The following IQCK variants were observed in gnomAD, a reference collection of about 807,000 sequenced individuals.
The protein encoded by IQCK is IQ motif containing K.
IQCK carries 29 observed loss-of-function variants against 28.1 expected under a neutral mutation model. The ratio of observed to expected loss-of-function variants is 1.03; its 90% CI spans 0.77 to 1.41. The LOEUF (loss-of-function observed/expected upper bound fraction) is 1.41. IQCK is among the 40% of genes most tolerant of loss of function. The pLI is 0.00. For synonymous variants in IQCK, 113 were observed against 115.1 expected (o/e 0.98, Z 0.12); for missense variants, 359 against 314.7 (o/e 1.14, Z -1.07).
chr16:19,729,359 G>A (rs1011100955), intron 1 of IQCK, among the ~76,000 whole-genome samples: 2 of 151,624 alleles, frequency 1.3e-5, no homozygotes, highest in Non-Finnish European at 2.9e-5. Context: ...ACCCTCCTCG[G>A]CCTCCCAAAA....
At chr16:19,844,290 G>A (rs1219712619) in intron 9 of IQCK, among the ~76,000 whole-genome samples, 2 of 152,204 alleles carry the variant, frequency 1.3e-5, no homozygotes, top group East Asian at 1.9e-4. Flanking sequence ...ATGTTGGCCC[G>A]GCGGTGTTGA....
At chr16:19,851,587 C>G (rs1236322626) in intron 9 of IQCK, among the ~76,000 whole-genome samples, 2 of 152,180 alleles carry the variant, frequency 1.3e-5, no homozygotes, top group African/African-American at 4.8e-5. Context: ...AGAAGATGTA[C>G]TGAGTCTTAT....
At chr16:19,852,619 CTTTTT>C (rs768835414) in intron 9 of IQCK, among the ~76,000 whole-genome samples, 1 of 135,290 alleles carries the variant, frequency 7.4e-6, no homozygotes. Flanking sequence ...TTTCCTTCAA[CTTTTT>C]TTTTTTTTTT....
At chr16:19,849,254 TG>T (rs1361494632) in intron 9 of IQCK, among the ~76,000 whole-genome samples, 1 of 143,534 alleles carries the variant, frequency 7.0e-6, no homozygotes, top group South Asian at 2.2e-4. Context: ...ATTACATCTA[TG>T]TTCAGGTTTT....
chr16:19,752,848 G>A lies in IQCK; in HGVS notation c.475-11000G>A, dbSNP rs142400603. ...CAAAGTGTTGCGATTACAGGTATGA[G>A]CCATCGTGCCCGGACCTTTTAAAAA... On this transcript the variant is annotated intron_variant, in intron 4 of 7. Coordinates refer to ENST00000564186, the Ensembl canonical transcript of IQCK. 2.5e-4 allele frequency among the ~76,000 whole-genome samples: 38 copies of A among 152,256 alleles called. No individual in the cohort carries two copies. In the East Asian group the frequency reaches 6.8e-3, roughly 27 times the overall value.
At chr16:19,740,901 G>T (rs1337192242) in intron 4 of IQCK, among the ~76,000 whole-genome samples, 1 of 151,426 alleles carries the variant, frequency 6.6e-6, no homozygotes, top group Non-Finnish European at 1.5e-5. Flanking sequence ...CCGAGAGGCA[G>T]AGGTTGCAGT....
chr16:19,759,720 A>G (rs901457336), intron 4 of IQCK, among the ~76,000 whole-genome samples: 15 of 152,166 alleles, frequency 9.9e-5, no homozygotes, highest in African/African-American at 3.6e-4. Flanking sequence ...GTTCATGTCT[A>G]TAATCCTAGC....
intron 6 of IQCK, among the ~76,000 whole-genome samples, chr16:19,775,790 G>A (rs1244178445): frequency 7.0e-6 from 1 of 143,648 alleles, no homozygotes. Flanking sequence ...CTTCAAGCCA[G>A]TTGCGGGGGA....
chr16:19,752,065 C>T lies in IQCK; in HGVS notation c.475-11783C>T, dbSNP rs770223766. 3.5e-4 allele frequency among the ~76,000 whole-genome samples: 53 copies of T among 152,200 alleles called. 1 individual carries two copies. Among genetic ancestry groups the T allele is most frequent in the Middle Eastern group, 3.4e-3 (1 of 294 alleles). On this transcript the variant is annotated intron_variant, in intron 4 of 7. Transcript: ENST00000564186. Reference sequence around the variant, plus strand: ...AGTACCATTCCTGCTCTACCGTGACCTGCATTGCATTCCACTGGAACAAAT... The same window carrying T: ...AGTACCATTCCTGCTCTACCGTGACTTGCATTGCATTCCACTGGAACAAAT...
At chr16:19,754,427 G>A (rs983820938) in intron 4 of IQCK, among the ~76,000 whole-genome samples, 3 of 152,126 alleles carry the variant, frequency 2.0e-5, no homozygotes, top group African/African-American at 4.8e-5. Flanking sequence ...CCATAAGACC[G>A]CCTCTTCTCC....
chr16:19,845,561 A>G (rs995181320), intron 9 of IQCK, among the ~76,000 whole-genome samples: 1 of 152,382 alleles, frequency 6.6e-6, no homozygotes, highest in South Asian at 2.1e-4. Flanking sequence ...AAACTGCAGC[A>G]CTAAAACTCC....
chr16:19,842,418 A>T (rs566030169), intron 9 of IQCK, among the ~76,000 whole-genome samples: 1 of 152,222 alleles, frequency 6.6e-6, no homozygotes. Flanking sequence ...TTTGGTTCCC[A>T]TGGTTTTAGA....
At chr16:19,840,730 C>T (rs1478687101) in intron 9 of IQCK, among the ~76,000 whole-genome samples, 2 of 152,152 alleles carry the variant, frequency 1.3e-5, no homozygotes, top group Non-Finnish European at 2.9e-5. Context: ...GGCCACACAG[C>T]AAAAACATAG....
Position 19,733,624 on chromosome 16 carries a change from A to G in IQCK, c.247-74A>G, listed in dbSNP as rs1977911435. ...GTCTGATGCAGAATTTTATTCCTTC[A>G]TAAGGTTATACCAGAAAATGCAATT... On this transcript the variant is annotated intron_variant, in intron 2 of 7. Transcript: ENST00000564186. 3.2e-6 allele frequency: 5 copies of G among 1,540,210 alleles called. No homozygotes were observed. The South Asian group carries it at 3.5e-5, about 11-fold the overall frequency.
intron 4 of IQCK, among the ~76,000 whole-genome samples, chr16:19,749,932 G>A (rs1215956332): frequency 2.0e-5 from 3 of 152,116 alleles, no homozygotes; most frequent in Non-Finnish European, 4.4e-5. Context: ...TACAGTGTAA[G>A]GGAAGCTTAA....
At chr16:19,734,461 A>C (rs1977944230) in intron 3 of IQCK, among the ~76,000 whole-genome samples, 1 of 140,652 alleles carries the variant, frequency 7.1e-6, no homozygotes. Context: ...CTCCATCACA[A>C]AAAAAAAAAA....
At chr16:19,732,455 G>C (rs1026742488) in intron 2 of IQCK, among the ~76,000 whole-genome samples, 1 of 152,106 alleles carries the variant, frequency 6.6e-6, no homozygotes, top group Non-Finnish European at 1.5e-5. Context: ...GGGATTGGGC[G>C]GTGGCGGCAG....
At chr16:19,821,186 AAAATT>A (rs1164726886) in intron 7 of IQCK, among the ~76,000 whole-genome samples, 8 of 152,110 alleles carry the variant, frequency 5.3e-5, no homozygotes, top group South Asian at 2.1e-4. Context: ...AATTTAAGAA[AAAATT>A]AAATTAAATT....
At chr16:19,735,559 T>G (rs1977987320) in intron 4 of IQCK, 109 bp downstream of exon 4, 1 of 896,130 alleles carries the variant, frequency 1.1e-6, no homozygotes, top group African/African-American at 1.7e-5. Context: ...GATGACCCCT[T>G]CGGGAGGGAA....
Sources: gnomAD v4.1 joint callset for allele counts (sites outside exome capture counted in the v4.1 genomes callset) on GRCh38, gnomAD v4.1.1 for gene constraint, MANE v1.5 for transcripts, NCBI Gene and HGNC (gene_info 2026-07-23, HGNC 2026-07-21) for gene names.